Variants in MRPS21 observed in about 807,000 individuals in gnomAD.
The protein encoded by MRPS21 is small ribosomal subunit protein bS21m.
Under a neutral mutation model 9.9 loss-of-function variants are expected in MRPS21, and 8 were observed. That is an observed-to-expected ratio of 0.81 (90% CI 0.47 to 1.45). The LOEUF (loss-of-function observed/expected upper bound fraction) is 1.45. MRPS21 is among the 40% of genes most tolerant of loss of function. The probability of loss-of-function intolerance (pLI) is 0.00; values close to 1 mark genes in which losing one functional copy is unlikely to be tolerated. For missense variants in MRPS21, 101 were observed against 118.9 expected (o/e 0.85, Z 0.70); for synonymous variants, 40 against 40.3 (o/e 0.99, Z 0.03).
intron 2 of MRPS21, among the ~76,000 whole-genome samples, chr1:150,301,979 T>G (rs1329664792): frequency 6.6e-6 from 1 of 152,208 alleles, no homozygotes; most frequent in African/African-American, 2.4e-5. Flanking sequence ...ATCTTCTGTT[T>G]TCCTGCTGCC....
At chr1:150,307,917 C>T (rs1553858775) in intron 2 of MRPS21, 131 bp from the exon 3 acceptor site, 11 of 886,094 alleles carry the variant, frequency 1.2e-5, no homozygotes, top group Non-Finnish European at 1.8e-5. Flanking sequence ...GCAGTTAATG[C>T]TCTATTGCCA....
At chr1:150,304,088 A>G in intron 2 of MRPS21, 3 of 379,876 alleles carry the variant, frequency 7.9e-6, no homozygotes, top group South Asian at 3.9e-5. Flanking sequence ...AGGTGGGTGG[A>G]TCACCTGAGG....
In MRPS21 at chr1:150,293,886, C is replaced by A. The variant is rs1335572552; in HGVS notation, c.-45C>A. On this transcript the variant is annotated 5_prime_UTR_variant, in exon 1 of 3. It adds an upstream start codon to the 5' untranslated region. Coordinates refer to ENST00000614145, the MANE Select transcript of MRPS21 (RefSeq NM_031901.6). ...GAGAACCCTTCCGGTGGGCTAGGTA[C>A]TGAGCGCGCGAGGTGAGGAGTTGTG... 3 of 169,812 alleles carry A rather than the reference C, an allele frequency of 1.8e-5. No homozygotes were observed. The highest frequency in any genetic ancestry group is 2.6e-5 in the Non-Finnish European group (2 of 77,164). 10.5% of individuals were successfully genotyped at this position (169,812 alleles called of 1,614,324 possible). A position where few individuals can be genotyped will look rare whatever the true frequency, so the allele number is the denominator to read the frequency against.
At chr1:150,295,059 G>A (rs1409341222) in intron 2 of MRPS21, among the ~76,000 whole-genome samples, 1 of 145,572 alleles carries the variant, frequency 6.9e-6, no homozygotes, top group Non-Finnish European at 1.5e-5. Context: ...GCAGCGGCAC[G>A]ATCTCGGCTC....
At chr1:150,299,213 CAG>C (rs1654021032) in intron 2 of MRPS21, among the ~76,000 whole-genome samples, 1 of 152,020 alleles carries the variant, frequency 6.6e-6, no homozygotes, top group Admixed American at 6.6e-5. Context: ...AAATTTGAAA[CAG>C]AATCTGAGAA....
chr1:150,295,476 A>G (rs1168414835), intron 2 of MRPS21, among the ~76,000 whole-genome samples: 2 of 152,174 alleles, frequency 1.3e-5, no homozygotes, highest in African/African-American at 4.8e-5. Flanking sequence ...GAGGAACCTG[A>G]ATTCTTTAGA....
At position 150,308,306 on chromosome 1, in the gene MRPS21, C is replaced by T; in HGVS notation, c.*78C>T. ...CTCTTTTCTTTGTACAATCCCATTT[C>T]CTATTACCATTCTCTGCAATAAACT... is the stretch of plus-strand genomic sequence containing the variant. On this transcript the variant is annotated 3_prime_UTR_variant, in exon 3 of 3. Transcript: ENST00000614145. 1.4e-6 allele frequency: 2 copies of T among 1,409,400 alleles called. No individual in the cohort carries two copies. The highest frequency in any genetic ancestry group is 2.3e-5 in the East Asian group (1 of 43,026). The allele number at this position is 1,409,400 out of a possible 1,614,324, so 87.3% of individuals were successfully genotyped here. A position where few individuals can be genotyped will look rare whatever the true frequency, so the allele number is the denominator to read the frequency against.
At position 150,294,328 on chromosome 1, in the gene MRPS21, C is replaced by T. The variant is rs782147634; in HGVS notation, c.-32-7C>T. On this transcript the variant is annotated splice_region_variant and splice_polypyrimidine_tract_variant and intron_variant, in intron 1 of 2. Transcript: ENST00000614145. Reference sequence around the variant, plus strand: ...GCTTTCCTCGCCCTTTCTCCATCATCCTTTAGGCTCTACAGAGTGAAGGTT... The same window carrying T: ...GCTTTCCTCGCCCTTTCTCCATCATTCTTTAGGCTCTACAGAGTGAAGGTT... 28 of 1,552,816 alleles carry T rather than the reference C, an allele frequency of 1.8e-5. No homozygotes were observed. The highest frequency in any genetic ancestry group is 2.5e-5 in the Non-Finnish European group (28 of 1,126,098).
At chr1:150,298,334 C>T (rs1653988289) in intron 2 of MRPS21, among the ~76,000 whole-genome samples, 1 of 152,188 alleles carries the variant, frequency 6.6e-6, no homozygotes, top group Admixed American at 6.5e-5. Flanking sequence ...TGTAACTTCA[C>T]TCTTTTTTTC....
At chr1:150,294,967 G>T (rs1653862101) in intron 2 of MRPS21, among the ~76,000 whole-genome samples, 1 of 147,836 alleles carries the variant, frequency 6.8e-6, no homozygotes, top group Admixed American at 6.8e-5. Context: ...ATCACCCCCC[G>T]CACCTCCCCG....
chr1:150,296,057 C>G (rs1227799493), intron 2 of MRPS21, among the ~76,000 whole-genome samples: 1 of 151,434 alleles, frequency 6.6e-6, no homozygotes, highest in Admixed American at 6.6e-5. Flanking sequence ...GTTCAATTGA[C>G]TCTTCTGCCT....
At chr1:150,297,284 C>CTT (rs1250793442) in intron 2 of MRPS21, among the ~76,000 whole-genome samples, 2 of 41,776 alleles carry the variant, frequency 4.8e-5, no homozygotes, top group Non-Finnish European at 8.0e-5. Context: ...GAGCGAGACT[C>CTT]TGTCTACAAA....
rs1572144682 is a variant in MRPS21, at chr1:150,297,865, A to G, written c.83+3416A>G. Among the ~76,000 whole-genome samples, 3 of 151,746 alleles carry G rather than the reference A, an allele frequency of 2.0e-5. 1 individual carries two copies. The South Asian group carries it at 6.2e-4, about 31-fold the overall frequency. ...CTCCTATTTCATACCTTCTGGTGGC[A>G]TGTCTGAGAAGTATATTATGTCTAA... On this transcript the variant is annotated intron_variant, in intron 2 of 2. Transcript: ENST00000614145.
intron 2 of MRPS21, 134 bp downstream of exon 2, chr1:150,294,583 C>T: frequency 2.7e-6 from 2 of 748,950 alleles, no homozygotes; most frequent in Non-Finnish European, 4.5e-6. Context: ...AACGTCTCAG[C>T]CCCTCAGTTT....
At chr1:150,295,969 TTA>T (rs60168104) in intron 2 of MRPS21, among the ~76,000 whole-genome samples, 3 of 123,802 alleles carry the variant, frequency 2.4e-5, no homozygotes, top group Non-Finnish European at 3.7e-5. Flanking sequence ...TTTTTTTTTT[TTA>T]AAACGGAGTC....
At position 150,308,268 on chromosome 1, in the gene MRPS21, G is replaced by A. The variant is rs587756882; in HGVS notation, c.*40G>A. On this transcript the variant is annotated 3_prime_UTR_variant, in exon 3 of 3. Transcript: ENST00000614145. ...ACACCCAGTGCGAAACCCTCATCCA[G>A]TTTTCTCTCCATCTCTTTTCTTTGT... 6.4e-7 allele frequency: 1 copy of A among 1,554,346 alleles called. No individual in the cohort carries two copies. The highest frequency in any genetic ancestry group is 2.3e-5 in the East Asian group (1 of 43,724).
chr1:150,306,815 A>G (rs1560067354), intron 2 of MRPS21, among the ~76,000 whole-genome samples: 1 of 151,998 alleles, frequency 6.6e-6, no homozygotes, highest in Non-Finnish European at 1.5e-5. Context: ...TAAGTAAGAG[A>G]ATCACCTTAA....
At chr1:150,307,348 C>CATTTT (rs1654376892) in intron 2 of MRPS21, among the ~76,000 whole-genome samples, 69 of 87,516 alleles carry the variant, frequency 7.9e-4, no homozygotes, top group African/African-American at 1.5e-3. Flanking sequence ...GTGCCCAGTC[C>CATTTT]TTTTTTTTTT....
intron 2 of MRPS21, among the ~76,000 whole-genome samples, chr1:150,304,397 C>G (rs996252837): frequency 6.6e-6 from 1 of 151,968 alleles, no homozygotes; most frequent in Admixed American, 6.6e-5. Flanking sequence ...AATGCAAATT[C>G]TTGGCCCCTA....
Sources: gnomAD v4.1 joint callset for allele counts (sites outside exome capture counted in the v4.1 genomes callset) on GRCh38, gnomAD v4.1.1 for gene constraint, MANE v1.5 for transcripts, NCBI Gene and HGNC (gene_info 2026-07-23, HGNC 2026-07-21) for gene names.